Variants in ATP6V1H observed in about 807,000 individuals in gnomAD.
ATP6V1H encodes V-type proton ATPase subunit H.
ATP6V1H carries 39 observed loss-of-function variants against 71.7 expected under a neutral mutation model. That is an observed-to-expected ratio of 0.54 (90% confidence interval 0.42 to 0.71). The LOEUF (loss-of-function observed/expected upper bound fraction) is 0.71, where lower values mean the gene tolerates loss of function less well. Ranked by LOEUF, ATP6V1H falls within the 30% of genes least tolerant of loss-of-function variation. The probability of loss-of-function intolerance (pLI) is 0.00; values close to 1 mark genes in which losing one functional copy is unlikely to be tolerated. For synonymous variants in ATP6V1H, 192 were observed against 199.3 expected, an observed-to-expected ratio of 0.96 and a Z score of 0.31; for missense variants, 509 against 594.9, an observed-to-expected ratio of 0.86 and a Z score of 1.50.
intron 12 of ATP6V1H, among the ~76,000 whole-genome samples, chr8:53,751,401 G>A (rs1185451877): frequency 6.6e-6 from 1 of 152,212 alleles, no homozygotes; most frequent in African/African-American, 2.4e-5. Context: ...TTGGAAGTCC[G>A]TGATGTGCCT....
chr8:53,724,353 A>G (rs1247691349), intron 13 of ATP6V1H, among the ~76,000 whole-genome samples: 2 of 152,124 alleles, frequency 1.3e-5, no homozygotes, highest in Non-Finnish European at 2.9e-5. Flanking sequence ...CTCCTGGGGA[A>G]GAGATTGCTA....
At chr8:53,837,133 C>G (rs1197209418) in intron 2 of ATP6V1H, among the ~76,000 whole-genome samples, 1 of 151,122 alleles carries the variant, frequency 6.6e-6, no homozygotes, top group Non-Finnish European at 1.5e-5. Flanking sequence ...AAGAGTGAAA[C>G]TCCATCTCAT....
intron 9 of ATP6V1H, 87 bp from the exon 10 acceptor site, chr8:53,772,254 C>T: frequency 2.0e-6 from 2 of 1,011,542 alleles, no homozygotes; most frequent in Non-Finnish European, 2.8e-6. Context: ...TATAGTCTCT[C>T]TCCTCCTCCT....
intron 13 of ATP6V1H, among the ~76,000 whole-genome samples, chr8:53,717,279 A>G (rs1299697116): frequency 6.6e-6 from 1 of 152,240 alleles, no homozygotes; most frequent in Non-Finnish European, 1.5e-5. Flanking sequence ...AGCACTGGGA[A>G]TGAGGACAAG....
At position 53,772,055 on chromosome 8, in the gene ATP6V1H, T is replaced by A; in HGVS notation, c.983A>T (p.Asp328Val). ...LENLEQQKYDDEDISEDIKFL... is the reference protein window; with the variant it reads ...LENLEQQKYDVEDISEDIKFL... Reference sequence around the variant, plus strand: ...TTTGATATCTTCGCTGATATCTTCATCATCGTACTTCTGCTGTTCCAAGTT... The same window carrying A: ...TTTGATATCTTCGCTGATATCTTCAACATCGTACTTCTGCTGTTCCAAGTT... The change falls in exon 10 of 14, where the codon GAT (aspartate) becomes GTT (valine). Residue 328 changes from aspartate (D) to valine (V), a missense_variant. Physicochemically the swap from Asp to Val is radical, Grantham distance 152. Transcript: ENST00000359530. 6.2e-7 allele frequency: 1 copy of A among 1,614,164 alleles called. No homozygotes were observed. The highest frequency in any genetic ancestry group is 8.5e-7 in the Non-Finnish European group (1 of 1,180,004).
intron 4 of ATP6V1H, among the ~76,000 whole-genome samples, chr8:53,819,636 AC>A (rs1810577823): frequency 1.9e-5 from 2 of 104,636 alleles, no homozygotes; most frequent in Admixed American, 9.4e-5. Context: ...ATATGTATAT[AC>A]AAATGTATAT....
At chr8:53,747,772 A>G (rs1454273456) in intron 12 of ATP6V1H, among the ~76,000 whole-genome samples, 2 of 151,770 alleles carry the variant, frequency 1.3e-5, no homozygotes, top group Admixed American at 6.5e-5. Flanking sequence ...CAAACTCGTG[A>G]CCTCGTGATT....
intron 13 of ATP6V1H, 34 bp downstream of exon 13, chr8:53,743,543 A>C: frequency 6.9e-7 from 1 of 1,459,522 alleles, no homozygotes; most frequent in Non-Finnish European, 9.6e-7. Context: ...TTTGCAGACT[A>C]ATGTACAAGT....
chr8:53,745,861 A>G (rs1807585282), intron 12 of ATP6V1H, among the ~76,000 whole-genome samples: 1 of 152,182 alleles, frequency 6.6e-6, no homozygotes, highest in African/African-American at 2.4e-5. Context: ...AGCGACTCCA[A>G]TTATTCACCA....
intron 13 of ATP6V1H, among the ~76,000 whole-genome samples, chr8:53,736,707 G>A (rs2130154930): frequency 6.6e-6 from 1 of 152,262 alleles, no homozygotes; most frequent in Non-Finnish European, 1.5e-5. Context: ...TGTCTTGCAG[G>A]AAGACCTAAG....
intron 9 of ATP6V1H, among the ~76,000 whole-genome samples, chr8:53,778,982 A>G (rs915742077): frequency 1.3e-5 from 2 of 152,252 alleles, no homozygotes; most frequent in African/African-American, 4.8e-5. Context: ...CAATGATACA[A>G]AGTCCAGTTC....
At chr8:53,787,788 T>A (rs935780519) in intron 9 of ATP6V1H, among the ~76,000 whole-genome samples, 1 of 152,192 alleles carries the variant, frequency 6.6e-6, no homozygotes, top group Non-Finnish European at 1.5e-5. Flanking sequence ...CAGTAATATA[T>A]GCAGAGACCT....
At chr8:53,743,346 C>T (rs906130232) in intron 13 of ATP6V1H, among the ~76,000 whole-genome samples, 2 of 152,090 alleles carry the variant, frequency 1.3e-5, no homozygotes, top group African/African-American at 4.8e-5. Context: ...CTTCTGGAGT[C>T]GTTTTTGAAA....
intron 9 of ATP6V1H, among the ~76,000 whole-genome samples, chr8:53,790,252 A>C (rs897224344): frequency 6.6e-6 from 1 of 152,214 alleles, no homozygotes. Flanking sequence ...ATTGGATGGC[A>C]ATTCCCTTGT....
chr8:53,732,658 C>CAAA (rs576194964), intron 13 of ATP6V1H, among the ~76,000 whole-genome samples: 1 of 93,880 alleles, frequency 1.1e-5, no homozygotes, highest in African/African-American at 3.8e-5. Context: ...CAGCTTATTG[C>CAAA]AAAAAAAAAA....
At chr8:53,840,491 C>G (rs1811310265) in intron 2 of ATP6V1H, among the ~76,000 whole-genome samples, 1 of 142,800 alleles carries the variant, frequency 7.0e-6, no homozygotes, top group African/African-American at 2.8e-5. Flanking sequence ...GAGTGAGACT[C>G]TGTCTCAAAA....
intron 4 of ATP6V1H, among the ~76,000 whole-genome samples, chr8:53,818,319 T>C (rs949585166): frequency 6.6e-6 from 1 of 152,214 alleles, no homozygotes; most frequent in African/African-American, 2.4e-5. Flanking sequence ...GTATTTGTTA[T>C]GTAAGTTCTT....
intron 3 of ATP6V1H, 144 bp downstream of exon 3, chr8:53,832,840 C>A (rs1811050980): frequency 2.2e-6 from 1 of 461,982 alleles, no homozygotes; most frequent in Non-Finnish European, 3.8e-6. Context: ...TTCAGAAATA[C>A]AGAAAAGGAT....
At chr8:53,760,675 G>C (rs1330000384) in intron 11 of ATP6V1H, among the ~76,000 whole-genome samples, 1 of 152,168 alleles carries the variant, frequency 6.6e-6, no homozygotes, top group Non-Finnish European at 1.5e-5. Flanking sequence ...GACCCATACA[G>C]ATTCACAACT....
Sources: allele counts gnomAD v4.1 joint callset (sites outside exome capture counted in the v4.1 genomes callset), GRCh38; gene constraint gnomAD v4.1.1; transcripts MANE v1.5; gene names NCBI Gene and HGNC (gene_info 2026-07-23, HGNC 2026-07-21).